Variants in RALY observed in about 807,000 individuals in gnomAD.
RALY encodes RNA-binding protein Raly.
In RALY, 15 loss-of-function variants were observed where a neutral mutation model predicts 30.7. That is an observed-to-expected ratio of 0.49 (90% CI 0.33 to 0.75). The LOEUF (loss-of-function observed/expected upper bound fraction) is 0.75. RALY is among the 30% of genes least tolerant of loss of function. RALY has a pLI of 0.02. For synonymous variants in RALY, 177 were observed against 170.8 expected (o/e 1.04, Z -0.28); for missense variants, 339 against 414.3 (o/e 0.82, Z 1.58).
At chr20:34,066,183 T>C (rs1316605996) in intron 2 of RALY, among the ~76,000 whole-genome samples, 1 of 151,508 alleles carries the variant, frequency 6.6e-6, no homozygotes, top group Non-Finnish European at 1.5e-5. Flanking sequence ...TTTTTTTTTT[T>C]TTTTTCATTT....
Position 34,003,994 on chromosome 20 carries a change from T to C in RALY, c.-93+9863T>C, listed in dbSNP as rs886185219. Among the ~76,000 whole-genome samples, 12 of 152,224 alleles carry C rather than the reference T, an allele frequency of 7.9e-5. 1 individual carries two copies. Among genetic ancestry groups the C allele is most frequent in the Admixed American group, 6.5e-4 (10 of 15,280 alleles). ...ACATGGTTAGTGATGAGAAAATTGC[T>C]GTTGTTCTGTGTTGTTGTAAATACT... On this transcript the variant is annotated intron_variant, in intron 1 of 9. Transcript: ENST00000246194.
chr20:34,006,696 C>T (rs1162077872), intron 1 of RALY, among the ~76,000 whole-genome samples: 2 of 152,094 alleles, frequency 1.3e-5, no homozygotes, highest in African/African-American at 4.8e-5. Context: ...GTTACAGTTG[C>T]CTACAGTATT....
intron 1 of RALY, among the ~76,000 whole-genome samples, chr20:34,022,120 A>C (rs150399202): frequency 6.9e-6 from 1 of 144,692 alleles, no homozygotes; most frequent in African/African-American, 2.6e-5. Context: ...AATAAAGACA[A>C]TGTCTCACTT....
At chr20:34,009,651 TC>T (rs1267227699) in intron 1 of RALY, among the ~76,000 whole-genome samples, 1 of 152,204 alleles carries the variant, frequency 6.6e-6, no homozygotes, top group Admixed American at 6.5e-5. Flanking sequence ...CTTTGGAGCT[TC>T]GGCCAAATTT....
At chr20:34,071,530 C>T (rs190722293) in intron 2 of RALY, among the ~76,000 whole-genome samples, 10 of 152,088 alleles carry the variant, frequency 6.6e-5, no homozygotes, top group African/African-American at 2.4e-4. Context: ...GCACCCGTCT[C>T]GGCCTCCAAA....
intron 7 of RALY, 69 bp downstream of exon 7, chr20:34,076,884 A>G (rs1454022813): frequency 6.3e-7 from 1 of 1,591,626 alleles, no homozygotes; most frequent in South Asian, 1.1e-5. Flanking sequence ...GAAATAGTAC[A>G]TGGGAGAGAG....
In RALY at chr20:33,993,935, G is replaced by T. The variant is rs1228948431; in HGVS notation, c.-289G>T. ...TGTCAGTGCGGCGGGGCGCGCGAGC[G>T]GCGCCAGCTCGGGGCAGCGGAACCC... On this transcript the variant is annotated 5_prime_UTR_variant, in exon 1 of 10. Coordinates refer to ENST00000246194, the MANE Select transcript of RALY (RefSeq NM_016732.3). 1 of 151,896 alleles carries T rather than the reference G, an allele frequency of 6.6e-6. No individual in the cohort carries two copies. The highest frequency in any genetic ancestry group is 1.5e-5 in the Non-Finnish European group (1 of 67,892). The allele number at this position is 151,896 out of a possible 1,614,324, so 9.4% of individuals were successfully genotyped here. A position where few individuals can be genotyped will look rare whatever the true frequency, so the allele number is the denominator to read the frequency against.
chr20:34,013,479 T>G (rs2031492857), intron 1 of RALY, among the ~76,000 whole-genome samples: 1 of 151,658 alleles, frequency 6.6e-6, no homozygotes, highest in Non-Finnish European at 1.5e-5. Context: ...AGGGGCTTAT[T>G]GGGATGTAAC....
In RALY at chr20:34,075,871, C is replaced by T. The variant is rs1420865180; in HGVS notation, c.378-3C>T. 1 of 1,611,750 alleles carries T rather than the reference C, an allele frequency of 6.2e-7. No individual in the cohort carries two copies. The highest frequency in any genetic ancestry group is 8.5e-7 in the Non-Finnish European group (1 of 1,178,374). On this transcript the variant is annotated splice_region_variant and splice_polypyrimidine_tract_variant and intron_variant, in intron 5 of 9. Transcript: ENST00000246194. ...GCAGCCTCTGGCCCATCTGCCCTCACAGGCTCTTCGACTACCGGGGCCGTC... is the reference window on the plus strand; with the variant it reads ...GCAGCCTCTGGCCCATCTGCCCTCATAGGCTCTTCGACTACCGGGGCCGTC...
rs1484029282 is a variant in RALY at position 34,082,732 on chromosome 20, T to A, written c.*2827T>A. 1 of 152,186 alleles carries A rather than the reference T, an allele frequency of 6.6e-6. No homozygotes were observed. Among genetic ancestry groups the A allele is most frequent in the Admixed American group, 6.5e-5 (1 of 15,280 alleles). 9.4% of individuals were successfully genotyped at this position (152,186 alleles called of 1,614,324 possible). A position where few individuals can be genotyped will look rare whatever the true frequency, so the allele number is the denominator to read the frequency against. On this transcript the variant is annotated 3_prime_UTR_variant, in exon 10 of 10. Coordinates refer to ENST00000246194, the MANE Select transcript of RALY (RefSeq NM_016732.3). Reference sequence around the variant, plus strand: ...CCAGGCCCTTGGGTGGGAGGTTGGCTTCTAACAGTGCATACACATGCCCTT... The same window carrying A: ...CCAGGCCCTTGGGTGGGAGGTTGGCATCTAACAGTGCATACACATGCCCTT...
chr20:34,024,384 G>A (rs2031941959), intron 1 of RALY, among the ~76,000 whole-genome samples: 1 of 152,212 alleles, frequency 6.6e-6, no homozygotes, highest in Admixed American at 6.5e-5. Flanking sequence ...TTCCTGCAGG[G>A]TTGGATCTTC....
chr20:34,025,628 G>T (rs1402445409), intron 1 of RALY, among the ~76,000 whole-genome samples: 1 of 151,708 alleles, frequency 6.6e-6, no homozygotes, highest in African/African-American at 2.4e-5. Context: ...CAGTCTTCCT[G>T]CAGGCCCTGG....
intron 1 of RALY, among the ~76,000 whole-genome samples, chr20:34,008,892 C>T (rs2031280172): frequency 6.6e-6 from 1 of 152,114 alleles, no homozygotes; most frequent in Non-Finnish European, 1.5e-5. Context: ...ACTCCTGGCT[C>T]AAGCAGTTCT....
At chr20:34,035,179 A>AAAC (rs1568669758) in intron 2 of RALY, among the ~76,000 whole-genome samples, 36 of 144,868 alleles carry the variant, frequency 2.5e-4, no homozygotes, top group African/African-American at 9.1e-4. Context: ...AAAAAAAAAA[A>AAAC]AAAAAAAACA....
At chr20:34,075,586 G>A (rs1284218161) in intron 5 of RALY, among the ~76,000 whole-genome samples, 1 of 152,056 alleles carries the variant, frequency 6.6e-6, no homozygotes, top group African/African-American at 2.4e-5. Flanking sequence ...GGGGACCTAG[G>A]GATGTCTCCT....
chr20:34,041,171 C>T (rs765582324), intron 2 of RALY, among the ~76,000 whole-genome samples: 21 of 152,144 alleles, frequency 1.4e-4, no homozygotes, highest in Non-Finnish European at 2.9e-4. Context: ...GAGAGTATTT[C>T]AAGCAATAAC....
chr20:34,031,892 TG>T (rs924367772), intron 2 of RALY, among the ~76,000 whole-genome samples: 1 of 152,088 alleles, frequency 6.6e-6, no homozygotes, highest in Non-Finnish European at 1.5e-5. Flanking sequence ...ATGTGGCAGG[TG>T]GGGGGCTATC....
At chr20:34,021,882 T>A (rs1047957493) in intron 1 of RALY, among the ~76,000 whole-genome samples, 10 of 151,354 alleles carry the variant, frequency 6.6e-5, no homozygotes, top group African/African-American at 2.2e-4. Context: ...TAAAAAAATT[T>A]TTTTTAATTT....
intron 1 of RALY, among the ~76,000 whole-genome samples, chr20:34,010,382 C>T: frequency 6.6e-6 from 1 of 152,106 alleles, no homozygotes. Flanking sequence ...GCACGCACCA[C>T]CATGTCCTGT....
Sources: gnomAD v4.1 joint callset for allele counts (sites outside exome capture counted in the v4.1 genomes callset) on GRCh38, gnomAD v4.1.1 for gene constraint, MANE v1.5 for transcripts, NCBI Gene and HGNC (gene_info 2026-07-23, HGNC 2026-07-21) for gene names.